TAFA1: variants seen among roughly 807,000 people sequenced by gnomAD.
The protein encoded by TAFA1 is chemokine-like protein TAFA-1.
TAFA1 carries 4 observed loss-of-function variants against 18.5 expected under a neutral mutation model. The ratio of observed to expected loss-of-function variants is 0.22; its 90% CI spans 0.11 to 0.49. TAFA1 has a LOEUF of 0.49. Among genes scored for constraint, TAFA1 ranks in the 20% least tolerant of loss-of-function variants. The pLI, the probability that TAFA1 is intolerant of heterozygous loss-of-function variation, is 0.98. For missense variants in TAFA1, 147 were observed against 169.0 expected (o/e 0.87, Z 0.72); for synonymous variants, 56 against 55.2 (o/e 1.01, Z -0.06).
intron 2 of TAFA1, among the ~76,000 whole-genome samples, chr3:68,016,573 A>G (rs144415205): frequency 1.3e-5 from 2 of 152,334 alleles, no homozygotes; most frequent in Non-Finnish European, 2.9e-5. Flanking sequence ...GCAATAATCT[A>G]TATCATATAG....
At chr3:68,390,010 TCAC>T (rs2070194943) in intron 2 of TAFA1, among the ~76,000 whole-genome samples, 4 of 152,080 alleles carry the variant, frequency 2.6e-5, no homozygotes, top group Non-Finnish European at 5.9e-5. Flanking sequence ...TGACAACCGT[TCAC>T]TCCCCTGGAA....
intron 2 of TAFA1, among the ~76,000 whole-genome samples, chr3:68,157,941 TC>T (rs2065883089): frequency 6.6e-6 from 1 of 152,212 alleles, no homozygotes; most frequent in African/African-American, 2.4e-5. Context: ...TGGCCAACTT[TC>T]ACATTTGAGT....
Position 68,170,863 on chromosome 3 carries a change from A to AACAC in TAFA1, c.118+164138_118+164141dup, listed in dbSNP as rs71112619. 3.2e-3 allele frequency among the ~76,000 whole-genome samples: 464 copies of AACAC among 146,238 alleles called. 6 individuals are homozygous for AACAC. Among genetic ancestry groups the AACAC allele is most frequent in the East Asian group, 0.022 (113 of 5,062 alleles). The stretch of plus-strand genomic sequence containing the variant: ...TGGATACAGGCTACACACACACAGA[A>AACAC]ACACACACACACACACACACACGTA... On this transcript the variant is annotated intron_variant, in intron 2 of 4. Transcript: ENST00000478136.
intron 2 of TAFA1, among the ~76,000 whole-genome samples, chr3:68,399,739 T>C (rs2070452394): frequency 6.6e-6 from 1 of 152,186 alleles, no homozygotes; most frequent in Non-Finnish European, 1.5e-5. Flanking sequence ...TATTATTCAG[T>C]CCTCATATCT....
intron 3 of TAFA1, among the ~76,000 whole-genome samples, chr3:68,531,080 G>C (rs1313964134): frequency 1.3e-5 from 2 of 150,464 alleles, no homozygotes; most frequent in African/African-American, 2.5e-5. Context: ...AAGCAAGCTG[G>C]GGTTTTAGTG....
intron 3 of TAFA1, among the ~76,000 whole-genome samples, chr3:68,525,121 A>T (rs1404567255): frequency 2.6e-5 from 4 of 152,218 alleles, no homozygotes; most frequent in Non-Finnish European, 5.9e-5. Context: ...AAACAGATCC[A>T]TCTGAAACAT....
At chr3:68,252,177 T>C (rs1478213848) in intron 2 of TAFA1, among the ~76,000 whole-genome samples, 2 of 152,158 alleles carry the variant, frequency 1.3e-5, no homozygotes, top group Non-Finnish European at 2.9e-5. Flanking sequence ...ACAGGTCCAA[T>C]TAATTATCTC....
At chr3:68,504,171 T>C (rs1391462350) in intron 3 of TAFA1, among the ~76,000 whole-genome samples, 1 of 152,184 alleles carries the variant, frequency 6.6e-6, no homozygotes, top group Non-Finnish European at 1.5e-5. Flanking sequence ...GGAGTTTGTA[T>C]GTCCCCTTAG....
intron 2 of TAFA1, among the ~76,000 whole-genome samples, chr3:68,377,202 T>C (rs2069836254): frequency 6.6e-6 from 1 of 152,098 alleles, no homozygotes; most frequent in Admixed American, 6.5e-5. Flanking sequence ...GGAAGCAACT[T>C]TGGAACTGGG....
intron 3 of TAFA1, among the ~76,000 whole-genome samples, chr3:68,519,083 A>G (rs1343343841): frequency 6.6e-6 from 1 of 152,226 alleles, no homozygotes; most frequent in Non-Finnish European, 1.5e-5. Context: ...GTAAAAGGCT[A>G]ATTAGAATAT....
Position 68,152,899 on chromosome 3 carries a change from G to T in TAFA1, c.118+146155G>T, listed in dbSNP as rs113975905. 3.4e-3 allele frequency among the ~76,000 whole-genome samples: 524 copies of T among 152,170 alleles called. 2 individuals carry two copies. Among genetic ancestry groups the T allele is most frequent in the African/African-American group, 0.011 (441 of 41,528 alleles). On this transcript the variant is annotated intron_variant, in intron 2 of 4. Coordinates refer to ENST00000478136, the MANE Select transcript of TAFA1 (RefSeq NM_213609.4). ...AAATCAGCAGGGTGGCATGCCCTGG[G>T]CAAACTTGAATCTTTTCCAAAGTCC...
At chr3:68,194,895 G>A (rs1276543775) in intron 2 of TAFA1, among the ~76,000 whole-genome samples, 2 of 151,690 alleles carry the variant, frequency 1.3e-5, no homozygotes, top group African/African-American at 4.8e-5. Flanking sequence ...AGGTGTGTGA[G>A]CGTCATCATC....
intron 2 of TAFA1, among the ~76,000 whole-genome samples, chr3:68,346,317 C>T (rs894321712): frequency 6.6e-6 from 1 of 152,004 alleles, no homozygotes; most frequent in Non-Finnish European, 1.5e-5. Flanking sequence ...CACCACCACA[C>T]CCAGCTAATT....
At chr3:68,237,442 G>C (rs116663020) in intron 2 of TAFA1, among the ~76,000 whole-genome samples, 615 of 152,268 alleles carry the variant, frequency 4.0e-3, no homozygotes, top group African/African-American at 0.014. Context: ...TCAGACCATA[G>C]CAATAACATT....
At position 68,044,525 on chromosome 3, in the gene TAFA1, G is replaced by C. The variant is rs544578388; in HGVS notation, c.118+37781G>C. On this transcript the variant is annotated intron_variant, in intron 2 of 4. Coordinates refer to ENST00000478136, the MANE Select transcript of TAFA1 (RefSeq NM_213609.4). Reference sequence around the variant, plus strand: ...TCACCTCCTGCTGCTTTCCCTCTTGGCTGTTTCACTCCAGCCTGGGCCTGG... The same window carrying C: ...TCACCTCCTGCTGCTTTCCCTCTTGCCTGTTTCACTCCAGCCTGGGCCTGG... 7.2e-5 allele frequency among the ~76,000 whole-genome samples: 11 copies of C among 152,286 alleles called. 1 individual carries two copies. The highest frequency in any genetic ancestry group is 1.9e-4 in the African/African-American group (8 of 41,556).
chr3:68,066,212 T>C (rs567559168), intron 2 of TAFA1, among the ~76,000 whole-genome samples: 1 of 152,344 alleles, frequency 6.6e-6, no homozygotes, highest in East Asian at 1.9e-4. Flanking sequence ...TAAAGCCGTA[T>C]GTGTCATATA....
intron 2 of TAFA1, among the ~76,000 whole-genome samples, chr3:68,112,280 C>T (rs13076275): frequency 0.49 from 74,170 of 151,872 alleles, 18,812 homozygotes; most frequent in South Asian, 0.63. Context: ...AAATAATTAG[C>T]GAATCGAATT....
intron 3 of TAFA1, among the ~76,000 whole-genome samples, chr3:68,492,683 GA>G (rs1297605967): frequency 1.7e-4 from 26 of 152,034 alleles, no homozygotes; most frequent in Non-Finnish European, 2.9e-4. Context: ...TTATTTTGTA[GA>G]AAAAAACAGA....
chr3:68,280,015 G>A (rs1023997232), intron 2 of TAFA1, among the ~76,000 whole-genome samples: 14 of 152,066 alleles, frequency 9.2e-5, no homozygotes, highest in African/African-American at 3.4e-4. Flanking sequence ...GCAAATTCTT[G>A]TATTCCCAAA....
Sources: allele counts gnomAD v4.1 joint callset (sites outside exome capture counted in the v4.1 genomes callset), GRCh38; gene constraint gnomAD v4.1.1; transcripts MANE v1.5; gene names NCBI Gene and HGNC (gene_info 2026-07-23, HGNC 2026-07-21).